The following SIDT2 variants were observed in gnomAD, a reference collection of about 807,000 sequenced individuals.
The protein encoded by SIDT2 is SID1 transmembrane family, member 2.
A neutral mutation model predicts 114.4 loss-of-function variants in SIDT2; 68 were observed. The observed-to-expected ratio is 0.59, with a 90% CI of 0.49 to 0.73. The LOEUF is 0.73. SIDT2 is among the 30% of genes least tolerant of loss of function. SIDT2 has a pLI of 0.00. For synonymous variants in SIDT2, 470 were observed against 438.4 expected (o/e 1.07, Z -0.90); for missense variants, 918 against 1,097.1 (o/e 0.84, Z 2.31).
chr11:117,190,362 CT>C lies in SIDT2; in HGVS notation c.1617+77del. 2.0e-6 allele frequency: 3 copies of C among 1,516,282 alleles called. No homozygotes were observed. Among genetic ancestry groups the C allele is most frequent in the Non-Finnish European group, 1.8e-6 (2 of 1,134,334 alleles). The allele number at this position is 1,516,282 out of a possible 1,614,324, so 93.9% of individuals were successfully genotyped here. On this transcript the variant is annotated intron_variant, in intron 17 of 25. Transcript: ENST00000324225. This position sits in a 1 kb window ranked among gnomAD's most constrained non-coding sequence, Gnocchi z 4.1. Reference sequence around the variant, plus strand: ...CCTCAAGCCTTGGCTCCAGGACACCCTTTTGGGCAGGCCTGGCCCTGCCTTC... The same window carrying C: ...CCTCAAGCCTTGGCTCCAGGACACCCTTTGGGCAGGCCTGGCCCTGCCTTC...
rs138586682 is a variant in SIDT2, at chr11:117,182,956, T to C, written c.702+150T>C. 29 of 831,758 alleles carry C rather than the reference T, an allele frequency of 3.5e-5. No homozygotes were observed. The African/African-American group carries it at 4.0e-4, about 11-fold the overall frequency. The allele number at this position is 831,758 out of a possible 1,614,324, so 51.5% of individuals were successfully genotyped here. On this transcript the variant is annotated intron_variant, in intron 6 of 25. Coordinates refer to ENST00000324225, the MANE Select transcript of SIDT2 (RefSeq NM_001040455.2). ...GTCCCTGTGACTTTGAGTCCCCTGATATATATGAGAGTTGTACCATAATCC... is the reference window on the plus strand; with the variant it reads ...GTCCCTGTGACTTTGAGTCCCCTGACATATATGAGAGTTGTACCATAATCC...
At chr11:117,189,513 C>A in intron 15 of SIDT2, 112 bp downstream of exon 15, 1 of 1,148,010 alleles carries the variant, frequency 8.7e-7, no homozygotes, top group South Asian at 1.4e-5. Context: ...GGTTCAGATC[C>A]CAGCTCTGCC....
At position 117,181,505 on chromosome 11, in the gene SIDT2, G is replaced by A; in HGVS notation, c.273G>A (p.Val91=). 1.2e-6 allele frequency: 2 copies of A among 1,613,950 alleles called. No individual in the cohort carries two copies. The highest frequency in any genetic ancestry group is 1.7e-6 in the Non-Finnish European group (2 of 1,179,976). The change falls in exon 2 of 26, where the codon GTG becomes GTA. Residue 91 remains valine (V), a synonymous_variant. Coordinates refer to ENST00000324225, the MANE Select transcript of SIDT2 (RefSeq NM_001040455.2). ...TGGTCCGCCAGAAGGAGGCTGTGGT[G>A]TCCTTCCAGGTGCCCCTAATCCTGC... ...LFVVRQKEAV[V]SFQVPLILRG...
At position 117,179,151 on chromosome 11, in the gene SIDT2, C is replaced by G; in HGVS notation, c.-113C>G. 1.0e-6 allele frequency: 1 copy of G among 1,004,964 alleles called. No individual in the cohort carries two copies. The highest frequency in any genetic ancestry group is 1.5e-5 in the South Asian group (1 of 65,092). 62.3% of individuals were successfully genotyped at this position (1,004,964 alleles called of 1,614,324 possible). ...CTCAGGCCGGGGTTAAAGTTCTGGT[C>G]CTGGTGAGATGCTGGAAGCTGCGGC... On this transcript the variant is annotated 5_prime_UTR_variant, in exon 1 of 26. Transcript: ENST00000324225.
chr11:117,193,356 C>T (rs1591772260), intron 23 of SIDT2, 98 bp downstream of exon 23: 1 of 1,073,558 alleles, frequency 9.3e-7, no homozygotes, highest in Non-Finnish European at 1.4e-6. Flanking sequence ...AGTTTTCTGT[C>T]CCATCTTTGC....
chr11:117,189,460 G>A, intron 15 of SIDT2, 59 bp downstream of exon 15: 2 of 1,563,308 alleles, frequency 1.3e-6, no homozygotes, highest in Non-Finnish European at 1.7e-6. Context: ...CCAAAGTGCA[G>A]AGCCTCCCAG....
At position 117,179,089 on chromosome 11, in the gene SIDT2, G is replaced by T; in HGVS notation, c.-175G>T. The T allele has an allele frequency of 1.5e-6, 1 of 666,610 alleles. No individual in the cohort carries two copies. Among genetic ancestry groups the T allele is most frequent in the Non-Finnish European group, 2.5e-6 (1 of 400,676 alleles). The allele number at this position is 666,610 out of a possible 1,614,324, so 41.3% of individuals were successfully genotyped here. On this transcript the variant is annotated 5_prime_UTR_variant, in exon 1 of 26. Coordinates refer to ENST00000324225, the MANE Select transcript of SIDT2 (RefSeq NM_001040455.2). Reference sequence around the variant, plus strand: ...CCCCTCCCCTGCGGGGACCCTGGGAGCCTCTTCGGGGCTCTTGGGAGGGGA... The same window carrying T: ...CCCCTCCCCTGCGGGGACCCTGGGATCCTCTTCGGGGCTCTTGGGAGGGGA...
chr11:117,186,272 T>G, intron 9 of SIDT2, 49 bp downstream of exon 9: 4 of 1,530,566 alleles, frequency 2.6e-6, no homozygotes, highest in Non-Finnish European at 9.1e-7. Context: ...TTTGGGCAGG[T>G]GTGTGGGGCA....
At chr11:117,187,111 G>T in intron 10 of SIDT2, 1 of 1,378,152 alleles carries the variant, frequency 7.3e-7, no homozygotes, top group Non-Finnish European at 9.8e-7. Context: ...TGTCTTTGTT[G>T]CTGGTAACTT....
At chr11:117,195,283 CACAG>C (rs1388519888) in intron 24 of SIDT2, among the ~76,000 whole-genome samples, 2 of 151,940 alleles carry the variant, frequency 1.3e-5, no homozygotes, top group Non-Finnish European at 2.9e-5. Flanking sequence ...CAGCATGTAG[CACAG>C]ACAGACACAG....
rs762139383 is a variant in SIDT2, at chr11:117,178,768, T to TCCGCCCGC, written c.-493_-486dup. ...AGTGTTCGTGCGTCGGGACGGCGCG[T>TCCGCCCGC]CCGCCCGCCCTTAAAGGGCCCGCAC... On this transcript the variant is annotated 5_prime_UTR_variant, in exon 1 of 26. Transcript: ENST00000324225. 6.4e-6 allele frequency: 1 copy of TCCGCCCGC among 156,372 alleles called. No homozygotes were observed. The highest frequency in any genetic ancestry group is 1.4e-5 in the Non-Finnish European group (1 of 70,456). 9.7% of individuals were successfully genotyped at this position (156,372 alleles called of 1,614,324 possible).
At position 117,190,519 on chromosome 11, in the gene SIDT2, C is replaced by G. The variant is rs1226829891; in HGVS notation, c.1618-104C>G. 2 of 1,146,504 alleles carry G rather than the reference C, an allele frequency of 1.7e-6. No individual in the cohort carries two copies. The highest frequency in any genetic ancestry group is 3.1e-5 in the African/African-American group (2 of 64,956). The allele number at this position is 1,146,504 out of a possible 1,614,324, so 71.0% of individuals were successfully genotyped here. A position where few individuals can be genotyped will look rare whatever the true frequency, so the allele number is the denominator to read the frequency against. On this transcript the variant is annotated intron_variant, in intron 17 of 25. Transcript: ENST00000324225. This position sits in a 1 kb window ranked among gnomAD's most constrained non-coding sequence, Gnocchi z 4.1. ...GCACACCCACACTCGACACATACCC[C>G]ACCCCTTTTCCTCTTCCACTCCTCT...
Position 117,179,454 on chromosome 11 carries a change from C to G in SIDT2, c.183+8C>G. The stretch of plus-strand genomic sequence containing the variant: ...ACTGTGACCCGCAACAGGGTGAGGG[C>G]TGGGGGCTTAGGGGCCAGAGGCGAG... On this transcript the variant is annotated splice_region_variant and intron_variant, in intron 1 of 25. Transcript: ENST00000324225. 6.2e-7 allele frequency: 1 copy of G among 1,610,248 alleles called. No individual in the cohort carries two copies. Among genetic ancestry groups the G allele is most frequent in the Non-Finnish European group, 8.5e-7 (1 of 1,177,528 alleles).
chr11:117,181,917 C>A lies in SIDT2; in HGVS notation c.416C>A (p.Pro139Gln). The change falls in exon 3 of 26, where the codon CCA becomes CAA. Residue 139 changes from proline (P) to glutamine (Q), a missense_variant. By Grantham distance (76) the Pro-to-Gln change is moderately conservative. Around this residue, in one of 4 missense-constraint regions of SIDT2, gnomAD observed 553 missense variants for 600.1 expected, o/e 0.92. Transcript: ENST00000324225. ...FFYVDVSTLS[P>Q]VNTTYQLRVS... Reference sequence around the variant, plus strand: ...TACGTGGATGTGTCCACCCTGTCACCAGTCAACACCACATACCAGCTCCGG... The same window carrying A: ...TACGTGGATGTGTCCACCCTGTCACAAGTCAACACCACATACCAGCTCCGG... 1.2e-6 allele frequency: 2 copies of A among 1,614,184 alleles called. No homozygotes were observed. Among genetic ancestry groups the A allele is most frequent in the Non-Finnish European group, 1.7e-6 (2 of 1,180,032 alleles).
intron 18 of SIDT2, chr11:117,191,631 GACAC>G (rs2030705268): frequency 1.8e-6 from 1 of 554,806 alleles, no homozygotes; most frequent in East Asian, 3.1e-5. Context: ...CACAGACTAA[GACAC>G]AGACCAAGTT....
chr11:117,190,410 T>G lies in SIDT2; in HGVS notation c.1617+121T>G, dbSNP rs2030655578. ...CTTCCCCAGCTCTCCCCTCCCCAGT[T>G]CTGTCTGGCCCACCCTATCCAGCCC... On this transcript the variant is annotated intron_variant, in intron 17 of 25. Coordinates refer to ENST00000324225, the MANE Select transcript of SIDT2 (RefSeq NM_001040455.2). The surrounding 1 kb of genome is among the most constrained non-coding windows in gnomAD (Gnocchi z 4.1). 6 of 1,454,452 alleles carry G rather than the reference T, an allele frequency of 4.1e-6. No homozygotes were observed. The highest frequency in any genetic ancestry group is 5.5e-6 in the Non-Finnish European group (6 of 1,097,258). The allele number at this position is 1,454,452 out of a possible 1,614,324, so 90.1% of individuals were successfully genotyped here. A position where few individuals can be genotyped will look rare whatever the true frequency, so the allele number is the denominator to read the frequency against.
intron 10 of SIDT2, chr11:117,186,934 C>T: frequency 6.7e-7 from 1 of 1,485,642 alleles, no homozygotes; most frequent in South Asian, 1.2e-5. Flanking sequence ...TTCTCTCTCT[C>T]TTCCACCCCT....
rs376783478 is a variant in SIDT2, at chr11:117,191,861, C to G, written c.1736-17C>G. ...GGTGGCCATTTCTGCAGCTCCCTTC[C>G]GTGTCCCTCATCCTAGACACATCGT... On this transcript the variant is annotated splice_polypyrimidine_tract_variant and intron_variant, in intron 18 of 25. Coordinates refer to ENST00000324225, the MANE Select transcript of SIDT2 (RefSeq NM_001040455.2). The G allele has an allele frequency of 6.2e-7, 1 of 1,612,376 alleles. No individual in the cohort carries two copies. Among genetic ancestry groups the G allele is most frequent in the South Asian group, 1.1e-5 (1 of 90,964 alleles).
rs729621 is a variant in SIDT2, at chr11:117,178,884, C to T, written c.-380C>T. ...ACTCGCCTTCCTCCGCGGCCAGCCCCCGCCGCCGGCTCTTCCTCCCTCCCC... is the reference window on the plus strand; with the variant it reads ...ACTCGCCTTCCTCCGCGGCCAGCCCTCGCCGCCGGCTCTTCCTCCCTCCCC... On this transcript the variant is annotated 5_prime_UTR_variant, in exon 1 of 26. Transcript: ENST00000324225. The T allele has an allele frequency of 0.01, 2,110 of 208,988 alleles. 39 individuals carry two copies. Among genetic ancestry groups the T allele is most frequent in the African/African-American group, 0.042 (1,794 of 42,872 alleles). The allele number at this position is 208,988 out of a possible 1,614,324, so 12.9% of individuals were successfully genotyped here.
Sources: allele counts gnomAD v4.1 joint callset (sites outside exome capture counted in the v4.1 genomes callset), GRCh38; gene constraint gnomAD v4.1.1; regional missense constraint gnomAD v4.1.1; non-coding constraint Gnocchi (gnomAD v3.1); transcripts MANE v1.5; gene names NCBI Gene and HGNC (gene_info 2026-07-23, HGNC 2026-07-21).